Variants in PRELID2 observed in about 807,000 individuals in gnomAD.
PRELID2 encodes PRELI domain-containing protein 2.
A neutral mutation model predicts 28.4 loss-of-function variants in PRELID2; 25 were observed. That is an observed-to-expected ratio of 0.88 (90% CI 0.64 to 1.23). PRELID2 has a LOEUF of 1.23. Among genes scored for constraint, PRELID2 ranks in the 50% most tolerant of loss-of-function variants. The pLI is 0.00. For synonymous variants in PRELID2, 76 were observed against 71.6 expected, an observed-to-expected ratio of 1.06 and a Z score of -0.31; for missense variants, 201 against 214.4, an observed-to-expected ratio of 0.94 and a Z score of 0.39.
At chr5:145,642,264 A>G (rs1754119977) in intron 1 of PRELID2, among the ~76,000 whole-genome samples, 1 of 152,202 alleles carries the variant, frequency 6.6e-6, no homozygotes, top group Non-Finnish European at 1.5e-5. Context: ...TCTAATGACC[A>G]GTGATGATGA....
chr5:145,685,348 T>G (rs1229928689), intron 1 of PRELID2, among the ~76,000 whole-genome samples: 1 of 152,214 alleles, frequency 6.6e-6, no homozygotes, highest in Admixed American at 6.6e-5. Flanking sequence ...TTCTCTGATG[T>G]AATACGCCAT....
intron 1 of PRELID2, among the ~76,000 whole-genome samples, chr5:145,564,682 G>A (rs1050270459): frequency 6.6e-6 from 1 of 152,160 alleles, no homozygotes; most frequent in African/African-American, 2.4e-5. Context: ...CAGAAGCACA[G>A]CTCTACAGAC....
chr5:145,751,433 A>C (rs962923038), downstream of PRELID2, among the ~76,000 whole-genome samples: 1 of 152,206 alleles, frequency 6.6e-6, no homozygotes, highest in Non-Finnish European at 1.5e-5. Flanking sequence ...CAATGTACTG[A>C]TCACAAGTAA....
chr5:145,514,801 AAAC>A (rs1401075372), intron 1 of PRELID2, among the ~76,000 whole-genome samples: 1 of 152,230 alleles, frequency 6.6e-6, no homozygotes, highest in Non-Finnish European at 1.5e-5. Flanking sequence ...AAATCATAAC[AAAC>A]AGTCTTAGAC....
At chr5:145,826,842 T>A (rs13189114) in intron 1 of PRELID2, among the ~76,000 whole-genome samples, 20,658 of 151,990 alleles carry the variant, frequency 0.14, 1,537 homozygotes, top group East Asian at 0.22. Flanking sequence ...CATTTTGCAT[T>A]CATATTTGCC....
Position 145,716,044 on chromosome 5 carries a change from A to AT in PRELID2, n.70+48886dup, listed in dbSNP as rs373173161. ...GTAAACTTTCTTAAAACATTATGAG[A>AT]TTTTTTTTGGCGATTTTTTTTTAGC... On this transcript the variant is annotated intron_variant and non_coding_transcript_variant, in intron 1 of 2. Coordinates refer to the PRELID2 transcript ENST00000510259. Among the ~76,000 whole-genome samples, 705 of 151,804 alleles carry AT rather than the reference A, an allele frequency of 4.6e-3. 4 individuals are homozygous for AT. The highest frequency in any genetic ancestry group is 0.017 in the Middle Eastern group (5 of 294).
At chr5:145,565,938 G>A (rs774968401) in intron 1 of PRELID2, among the ~76,000 whole-genome samples, 13 of 152,178 alleles carry the variant, frequency 8.5e-5, no homozygotes, top group East Asian at 1.9e-4. Flanking sequence ...ATCTCTTAAC[G>A]TAGATAGAAT....
intron 1 of PRELID2, among the ~76,000 whole-genome samples, chr5:145,476,393 C>T (rs1270814933): frequency 1.3e-5 from 2 of 152,176 alleles, no homozygotes; most frequent in Non-Finnish European, 2.9e-5. Flanking sequence ...GCCTGTAATT[C>T]CAGCACTTTG....
chr5:145,691,997 C>G (rs1242226707), intron 1 of PRELID2, among the ~76,000 whole-genome samples: 1 of 152,140 alleles, frequency 6.6e-6, no homozygotes, highest in Non-Finnish European at 1.5e-5. Flanking sequence ...TCCTTCAAGA[C>G]CTATCACAAG....
At chr5:145,462,330 A>G in the PRELID2 span, among the ~76,000 whole-genome samples, 32 of 152,340 alleles carry the variant, frequency 2.1e-4, 1 homozygote, top group East Asian at 5.4e-3. Context: ...GGAGGACATG[A>G]TGTAGGAGCA....
chr5:145,630,793 C>A (rs1402787352), intron 1 of PRELID2, among the ~76,000 whole-genome samples: 1 of 152,160 alleles, frequency 6.6e-6, no homozygotes, highest in East Asian at 1.9e-4. Flanking sequence ...TACTGCTCAC[C>A]TTTTAGGTCA....
At chr5:145,729,339 C>A in intron 1 of PRELID2, 1 of 797,196 alleles carries the variant, frequency 1.3e-6, no homozygotes, top group Non-Finnish European at 2.0e-6. Context: ...ACATTTAGCC[C>A]ATATCATGCC....
intron 1 of PRELID2, among the ~76,000 whole-genome samples, chr5:145,523,535 T>C (rs1752581500): frequency 6.6e-6 from 1 of 152,134 alleles, no homozygotes; most frequent in Non-Finnish European, 1.5e-5. Flanking sequence ...AGTGTAGGCA[T>C]GGCAGGTTTT....
chr5:145,563,765 G>T (rs1203957899), intron 1 of PRELID2, among the ~76,000 whole-genome samples: 1 of 152,190 alleles, frequency 6.6e-6, no homozygotes, highest in Non-Finnish European at 1.5e-5. Flanking sequence ...GGTTACCAGG[G>T]TTAGGGAGGT....
chr5:145,399,113 A>G, the PRELID2 span, among the ~76,000 whole-genome samples: 3,888 of 152,084 alleles, frequency 0.026, 140 homozygotes, highest in African/African-American at 0.082. Context: ...CTCCTCTCAA[A>G]TCTCCCATAT....
the PRELID2 span, among the ~76,000 whole-genome samples, chr5:145,452,680 A>G: frequency 1.1e-3 from 160 of 152,260 alleles, 1 homozygote; most frequent in African/African-American, 3.5e-3. Flanking sequence ...TGCTATTTCC[A>G]GATTCTAGCA....
At chr5:145,606,853 T>C (rs1375820678) in intron 1 of PRELID2, among the ~76,000 whole-genome samples, 1 of 152,208 alleles carries the variant, frequency 6.6e-6, no homozygotes, top group East Asian at 1.9e-4. Flanking sequence ...GCACTCCTTT[T>C]ACATCTGGTA....
At chr5:145,577,428 G>C (rs575733437) in intron 1 of PRELID2, among the ~76,000 whole-genome samples, 1 of 151,954 alleles carries the variant, frequency 6.6e-6, no homozygotes, top group Non-Finnish European at 1.5e-5. Flanking sequence ...AAATCAAACA[G>C]AAATTCCAGA....
chr5:145,783,031 G>T (rs1238848285), intron 5 of PRELID2, among the ~76,000 whole-genome samples: 5 of 152,360 alleles, frequency 3.3e-5, no homozygotes, highest in Non-Finnish European at 7.3e-5. Flanking sequence ...TCCTGGCTGG[G>T]TTGACAGGCA....
Sources: allele counts gnomAD v4.1 joint callset (sites outside exome capture counted in the v4.1 genomes callset), GRCh38; gene constraint gnomAD v4.1.1; transcripts MANE v1.5; gene names NCBI Gene and HGNC (gene_info 2026-07-23, HGNC 2026-07-21).